NOL4: variants seen among roughly 807,000 people sequenced by gnomAD.
NOL4 encodes the protein cancer/testis antigen 125.
A neutral mutation model predicts 75.9 loss-of-function variants in NOL4; 17 were observed. The observed-to-expected ratio is 0.22, with a 90% CI of 0.15 to 0.34. The LOEUF (loss-of-function observed/expected upper bound fraction) is 0.34. Among genes scored for constraint, NOL4 ranks in the 10% least tolerant of loss-of-function variants. NOL4 has a pLI of 1.00. For synonymous variants in NOL4, 292 were observed against 289.9 expected, an observed-to-expected ratio of 1.01 and a Z score of -0.07; for missense variants, 614 against 793.5, an observed-to-expected ratio of 0.77 and a Z score of 2.72.
intron 5 of NOL4, among the ~76,000 whole-genome samples, chr18:34,080,911 C>G (rs2077981640): frequency 6.6e-6 from 1 of 152,092 alleles, no homozygotes; most frequent in East Asian, 1.9e-4. Flanking sequence ...GTAATAGTAC[C>G]TCAATGGGTA....
intron 6 of NOL4, among the ~76,000 whole-genome samples, chr18:34,014,351 A>G (rs1442162157): frequency 6.6e-6 from 1 of 152,010 alleles, no homozygotes; most frequent in African/African-American, 2.4e-5. Flanking sequence ...CTGTTCAACA[A>G]TAATCACGTG....
intron 1 of NOL4, among the ~76,000 whole-genome samples, chr18:34,172,503 CTCT>C (rs1315472982): frequency 1.3e-5 from 2 of 152,096 alleles, no homozygotes; most frequent in African/African-American, 4.8e-5. Flanking sequence ...GTGCAGATAT[CTCT>C]TCAAGATACT....
At chr18:33,931,738 T>A (rs1306843942) in intron 9 of NOL4, among the ~76,000 whole-genome samples, 1 of 151,916 alleles carries the variant, frequency 6.6e-6, no homozygotes, top group African/African-American at 2.4e-5. Flanking sequence ...TGTTTCTTAA[T>A]AAAATTAAAA....
intron 6 of NOL4, among the ~76,000 whole-genome samples, chr18:33,969,060 A>T (rs2070835953): frequency 6.6e-6 from 1 of 152,162 alleles, no homozygotes; most frequent in Non-Finnish European, 1.5e-5. Flanking sequence ...CCTTTAATCA[A>T]GTTCCTTTCA....
intron 5 of NOL4, among the ~76,000 whole-genome samples, chr18:34,044,680 GAGTA>G: frequency 6.6e-6 from 1 of 152,256 alleles, no homozygotes; most frequent in East Asian, 1.9e-4. Context: ...TCTACATTAT[GAGTA>G]AGTTAGTTAT....
At chr18:34,053,467 G>GTT (rs1192602033) in intron 5 of NOL4, among the ~76,000 whole-genome samples, 4 of 151,886 alleles carry the variant, frequency 2.6e-5, no homozygotes, top group African/African-American at 9.7e-5. Flanking sequence ...GGAGAAAAAA[G>GTT]CTTATTATAA....
At chr18:33,885,277 C>T (rs2064567841) in intron 9 of NOL4, among the ~76,000 whole-genome samples, 1 of 151,816 alleles carries the variant, frequency 6.6e-6, no homozygotes, top group Admixed American at 6.6e-5. Flanking sequence ...TCATAGAAAT[C>T]CCAATACCCC....
chr18:34,171,859 A>G (rs2146269080), intron 1 of NOL4, among the ~76,000 whole-genome samples: 1 of 152,282 alleles, frequency 6.6e-6, no homozygotes, highest in Non-Finnish European at 1.5e-5. Context: ...TAAGACTCTT[A>G]GAACTACATT....
At chr18:34,125,896 G>A (rs2080362864) in intron 2 of NOL4, among the ~76,000 whole-genome samples, 4 of 151,836 alleles carry the variant, frequency 2.6e-5, no homozygotes, top group African/African-American at 9.7e-5. Flanking sequence ...CAAGAACTCT[G>A]GCCTTTCCTC....
chr18:34,079,732 T>C (rs886971811), intron 5 of NOL4, among the ~76,000 whole-genome samples: 1 of 152,156 alleles, frequency 6.6e-6, no homozygotes, highest in Non-Finnish European at 1.5e-5. Flanking sequence ...TCTTATGTAA[T>C]TATGCATTCT....
intron 1 of NOL4, among the ~76,000 whole-genome samples, chr18:34,137,181 C>G (rs2080927488): frequency 6.6e-6 from 1 of 152,068 alleles, no homozygotes; most frequent in Non-Finnish European, 1.5e-5. Flanking sequence ...AGAGCTAAAA[C>G]TCAAAATTTG....
intron 9 of NOL4, among the ~76,000 whole-genome samples, chr18:33,905,943 A>G (rs2066013925): frequency 6.6e-6 from 1 of 152,224 alleles, no homozygotes; most frequent in Non-Finnish European, 1.5e-5. Context: ...AGATTTTGGA[A>G]TGAACCTTTG....
At chr18:34,072,168 T>C (rs929789279) in intron 5 of NOL4, among the ~76,000 whole-genome samples, 4 of 152,054 alleles carry the variant, frequency 2.6e-5, no homozygotes, top group African/African-American at 9.7e-5. Flanking sequence ...GAGGTTGCAG[T>C]GAGCTGAGAT....
intron 9 of NOL4, among the ~76,000 whole-genome samples, chr18:33,938,039 T>C (rs1319081693): frequency 6.6e-6 from 1 of 152,118 alleles, no homozygotes; most frequent in Non-Finnish European, 1.5e-5. Context: ...TGTTCTAGGC[T>C]ATGGGTTTCC....
intron 5 of NOL4, among the ~76,000 whole-genome samples, chr18:34,070,790 C>T (rs1242913240): frequency 6.6e-6 from 1 of 151,996 alleles, no homozygotes; most frequent in Non-Finnish European, 1.5e-5. Context: ...ATAATAAATA[C>T]ATAGGTATAT....
chr18:33,963,785 A>AT (rs2070349107), intron 6 of NOL4, among the ~76,000 whole-genome samples: 1 of 152,130 alleles, frequency 6.6e-6, no homozygotes, highest in African/African-American at 2.4e-5. Flanking sequence ...AAATTTTCCC[A>AT]TCCCAATAGA....
At chr18:33,881,070 C>T (rs1001482800) in intron 10 of NOL4, among the ~76,000 whole-genome samples, 11 of 146,286 alleles carry the variant, frequency 7.5e-5, no homozygotes, top group Non-Finnish European at 1.1e-4. Context: ...AGCAAAAAAA[C>T]ACAATCTCAC....
intron 1 of NOL4, among the ~76,000 whole-genome samples, chr18:34,196,632 G>C (rs1397233665): frequency 5.3e-5 from 8 of 152,020 alleles, no homozygotes; most frequent in African/African-American, 1.4e-4. Context: ...TGCAAAACAT[G>C]TATTTGCAGC....
At chr18:33,862,761 T>C (rs2063217731) in intron 10 of NOL4, among the ~76,000 whole-genome samples, 1 of 152,108 alleles carries the variant, frequency 6.6e-6, no homozygotes, top group Admixed American at 6.5e-5. Context: ...CATTAAAAAG[T>C]CAGGAAACAA....
Sources: allele counts gnomAD v4.1 joint callset (sites outside exome capture counted in the v4.1 genomes callset), GRCh38; gene constraint gnomAD v4.1.1; transcripts MANE v1.5; gene names NCBI Gene and HGNC (gene_info 2026-07-23, HGNC 2026-07-21).